The following MACROD1 variants were observed in gnomAD, a reference collection of about 807,000 sequenced individuals.
MACROD1 encodes mono-ADP ribosylhydrolase 1, also known as ADP-ribose glycohydrolase MACROD1.
Under a neutral mutation model 41.4 loss-of-function variants are expected in MACROD1, and 31 were observed. That is an observed-to-expected ratio of 0.75 (90% confidence interval 0.56 to 1.01). The LOEUF (loss-of-function observed/expected upper bound fraction) is 1.01, where lower values mean the gene tolerates loss of function less well. MACROD1 is among the 50% of genes least tolerant of loss of function. The probability of loss-of-function intolerance (pLI) is 0.00; values close to 1 mark genes in which losing one functional copy is unlikely to be tolerated. For synonymous variants in MACROD1, 252 were observed against 203.4 expected, an observed-to-expected ratio of 1.24 and a Z score of -2.03; for missense variants, 473 against 460.0, an observed-to-expected ratio of 1.03 and a Z score of -0.26.
At chr11:64,023,477 G>A (rs971458289) in intron 3 of MACROD1, among the ~76,000 whole-genome samples, 2 of 152,178 alleles carry the variant, frequency 1.3e-5, no homozygotes, top group Non-Finnish European at 2.9e-5. Context: ...CACTGTGGCA[G>A]TGGGCCCCGA....
chr11:64,042,790 C>T (rs967972471), intron 3 of MACROD1, among the ~76,000 whole-genome samples: 24 of 152,320 alleles, frequency 1.6e-4, no homozygotes, highest in Admixed American at 1.5e-3. Flanking sequence ...CCACTCAGAG[C>T]AGCACCATGG....
intron 3 of MACROD1, among the ~76,000 whole-genome samples, chr11:64,043,974 G>A (rs1425009362): frequency 2.0e-5 from 3 of 151,864 alleles, no homozygotes; most frequent in Non-Finnish European, 2.9e-5. Flanking sequence ...CCACCACGCC[G>A]GGCTAATTTT....
At chr11:64,008,406 G>GGGAGGTCCCACGCACACATAGGCA (rs6144369) in intron 4 of MACROD1, among the ~76,000 whole-genome samples, 2 of 152,070 alleles carry the variant, frequency 1.3e-5, no homozygotes, top group Non-Finnish European at 1.5e-5. Flanking sequence ...GGGGAGAGGC[G>GGGAGGTCCCACGCACACATAGGCA]CCCAGGGTTA....
chr11:64,104,485 CCCTGCAG>C (rs1159772698), intron 3 of MACROD1, among the ~76,000 whole-genome samples: 1 of 152,108 alleles, frequency 6.6e-6, no homozygotes, highest in Non-Finnish European at 1.5e-5. Context: ...GAGTAAATGG[CCCTGCAG>C]CAGGGTGGAG....
chr11:64,045,375 G>T (rs1590832457), intron 3 of MACROD1, among the ~76,000 whole-genome samples: 1 of 113,786 alleles, frequency 8.8e-6, no homozygotes, highest in African/African-American at 2.7e-5. Context: ...CTGCTCCGCC[G>T]GGACCTGGGC....
At chr11:64,080,157 C>T (rs964839484) in intron 3 of MACROD1, among the ~76,000 whole-genome samples, 23 of 152,142 alleles carry the variant, frequency 1.5e-4, no homozygotes, top group South Asian at 2.1e-4. Flanking sequence ...GGATTACAGG[C>T]GTGCGCCACC....
rs58694215 is a variant in MACROD1, at chr11:64,157,886, C to T, written c.299-5493G>A. Among the ~76,000 whole-genome samples the T allele has an allele frequency of 1.9e-3, 292 of 152,256 alleles. 4 individuals are homozygous for T. In the East Asian group the frequency reaches 0.049, roughly 26 times the overall value. On this transcript the variant is annotated intron_variant, in intron 1 of 10. Coordinates refer to ENST00000255681, the MANE Select transcript of MACROD1 (RefSeq NM_014067.4). ...CGGTGGCAGGGGCATTAATCACCTGCGCTCACCGGCCCGCAAGAACAGGGT... is the reference window on the plus strand; with the variant it reads ...CGGTGGCAGGGGCATTAATCACCTGTGCTCACCGGCCCGCAAGAACAGGGT...
chr11:64,137,731 G>C (rs1945351843), intron 3 of MACROD1, among the ~76,000 whole-genome samples: 2 of 152,186 alleles, frequency 1.3e-5, no homozygotes, highest in African/African-American at 4.8e-5. Context: ...CCAGGGCAGA[G>C]AGCAGGCCGT....
In MACROD1 at chr11:64,114,429, TTGAATGGA is replaced by T. The variant is rs1321475455; in HGVS notation, c.517+36802_517+36809del. 3.9e-4 allele frequency among the ~76,000 whole-genome samples: 25 copies of T among 63,906 alleles called. No homozygotes were observed. In the South Asian group the frequency reaches 5.7e-3, roughly 15 times the overall value. 41.9% of individuals were successfully genotyped at this position (63,906 alleles called of 152,430 possible). A position where few individuals can be genotyped will look rare whatever the true frequency, so the allele number is the denominator to read the frequency against. Reference sequence around the variant, plus strand: ...GATGCATGGATGGATGGAGGGATGGTTGAATGGATGGATGGATGGATGAATGGATGGAT... The same window carrying T: ...GATGCATGGATGGATGGAGGGATGGTTGGATGGATGGATGAATGGATGGAT... On this transcript the variant is annotated intron_variant, in intron 3 of 10. Coordinates refer to ENST00000255681, the MANE Select transcript of MACROD1 (RefSeq NM_014067.4).
rs1402510671 is a variant in MACROD1, at chr11:64,146,204, A to T, written c.517+5035T>A. Among the ~76,000 whole-genome samples, 1 of 152,150 alleles carries T rather than the reference A, an allele frequency of 6.6e-6. No individual in the cohort carries two copies. The highest frequency in any genetic ancestry group is 1.5e-5 in the Non-Finnish European group (1 of 68,012). Reference sequence around the variant, plus strand: ...GCAGGGAGGTGGCCTAGTCAAGGTCACTGCACCCCCGTGGTAAAAAGGAGA... The same window carrying T: ...GCAGGGAGGTGGCCTAGTCAAGGTCTCTGCACCCCCGTGGTAAAAAGGAGA... On this transcript the variant is annotated intron_variant, in intron 3 of 10. Transcript: ENST00000255681. The surrounding 1 kb of genome is among the most constrained non-coding windows in gnomAD (Gnocchi z 4.7).
At chr11:64,101,851 T>C (rs1261370669) in intron 3 of MACROD1, among the ~76,000 whole-genome samples, 2 of 152,000 alleles carry the variant, frequency 1.3e-5, no homozygotes, top group Non-Finnish European at 2.9e-5. Flanking sequence ...AACCTCCTTC[T>C]TCCTAGGGCA....
At chr11:64,013,682 T>C (rs1943044651) in intron 4 of MACROD1, among the ~76,000 whole-genome samples, 1 of 152,142 alleles carries the variant, frequency 6.6e-6, no homozygotes, top group African/African-American at 2.4e-5. Flanking sequence ...TCCTTTATCT[T>C]CCTGAACTGA....
chr11:64,021,295 C>T (rs1590806817), intron 3 of MACROD1, among the ~76,000 whole-genome samples: 1 of 152,324 alleles, frequency 6.6e-6, no homozygotes, highest in African/African-American at 2.4e-5. Flanking sequence ...GCTGTGTAGG[C>T]GACAGGGGCT....
chr11:64,107,777 T>C (rs1345107620), intron 3 of MACROD1, among the ~76,000 whole-genome samples: 1 of 152,070 alleles, frequency 6.6e-6, no homozygotes, highest in African/African-American at 2.4e-5. Context: ...GGTCATGGCA[T>C]CTAGTCCCTG....
intron 3 of MACROD1, among the ~76,000 whole-genome samples, chr11:64,106,758 T>C (rs564001351): frequency 6.6e-6 from 1 of 152,372 alleles, no homozygotes; most frequent in East Asian, 1.9e-4. Flanking sequence ...GCCTCAGTCC[T>C]GTTCTGGAGG....
chr11:64,012,348 G>A (rs578247588), intron 4 of MACROD1, among the ~76,000 whole-genome samples: 3 of 152,164 alleles, frequency 2.0e-5, no homozygotes, highest in African/African-American at 4.8e-5. Context: ...GGGTAAGTCC[G>A]TTGCTTAATG....
intron 3 of MACROD1, among the ~76,000 whole-genome samples, chr11:64,115,869 A>C (rs1293522622): frequency 2.0e-5 from 3 of 152,200 alleles, no homozygotes; most frequent in African/African-American, 7.2e-5. Context: ...TGAAGTCTTG[A>C]GAGAAGAAAC....
chr11:64,117,452 G>A (rs760054105), intron 3 of MACROD1: 28 of 1,612,942 alleles, frequency 1.7e-5, no homozygotes, highest in Admixed American at 3.3e-5. Context: ...CCAAGACCAC[G>A]GCCAGCAACC....
At chr11:64,000,193 G>C (rs375344399) in intron 5 of MACROD1, 34 bp downstream of exon 5, 20 of 1,565,856 alleles carry the variant, frequency 1.3e-5, no homozygotes, top group Non-Finnish European at 1.6e-5. Context: ...CGCCCTGTCT[G>C]CGCCCCACAG....
Sources: gnomAD v4.1 joint callset for allele counts (sites outside exome capture counted in the v4.1 genomes callset) on GRCh38, gnomAD v4.1.1 for gene constraint, Gnocchi (gnomAD v3.1) non-coding constraint, MANE v1.5 for transcripts, NCBI Gene and HGNC (gene_info 2026-07-23, HGNC 2026-07-21) for gene names.